Variants in ANKRD6 observed in about 807,000 individuals in gnomAD.
ANKRD6 encodes ankyrin repeat domain 6.
In ANKRD6, 56 loss-of-function variants were observed where a neutral mutation model predicts 82.3. The ratio of observed to expected loss-of-function variants is 0.68; its 90% CI spans 0.55 to 0.85. ANKRD6 has a LOEUF of 0.85. Ranked by LOEUF, ANKRD6 falls within the 40% of genes least tolerant of loss-of-function variation. The pLI, the probability that ANKRD6 is intolerant of heterozygous loss-of-function variation, is 0.00. For missense variants in ANKRD6, 852 were observed against 907.6 expected, an observed-to-expected ratio of 0.94 and a Z score of 0.79; for synonymous variants, 347 against 352.1, an observed-to-expected ratio of 0.99 and a Z score of 0.16.
At chr6:89,461,238 G>T (rs1384951950) in intron 1 of ANKRD6, among the ~76,000 whole-genome samples, 1 of 152,142 alleles carries the variant, frequency 6.6e-6, no homozygotes, top group African/African-American at 2.4e-5. Context: ...TCAAAGGAGA[G>T]TTTTGTTAAT....
intron 1 of ANKRD6, among the ~76,000 whole-genome samples, chr6:89,458,635 C>T (rs1321629612): frequency 1.3e-5 from 2 of 152,208 alleles, no homozygotes; most frequent in South Asian, 2.1e-4. Context: ...CAAGTCTGCC[C>T]TTCCATCTTC....
intron 1 of ANKRD6, among the ~76,000 whole-genome samples, chr6:89,453,117 A>C (rs1773054383): frequency 6.6e-6 from 1 of 152,118 alleles, no homozygotes; most frequent in Non-Finnish European, 1.5e-5. Context: ...TTTCCATCCC[A>C]ATTGTCATTC....
At chr6:89,494,622 A>G (rs1294006943) in intron 1 of ANKRD6, among the ~76,000 whole-genome samples, 1 of 152,162 alleles carries the variant, frequency 6.6e-6, no homozygotes, top group Non-Finnish European at 1.5e-5. Context: ...TCAACATTGC[A>G]TGCAGCTGCT....
rs1239700710 is a variant in ANKRD6, at chr6:89,617,850, C to T, written c.715-104C>T. On this transcript the variant is annotated intron_variant, in intron 8 of 15. Transcript: ENST00000339746. Reference sequence around the variant, plus strand: ...TTTGCCACGTAGGTGCTGGGTGTGACTGGGTGTGGAACTGCCTGCTCCTGG... The same window carrying T: ...TTTGCCACGTAGGTGCTGGGTGTGATTGGGTGTGGAACTGCCTGCTCCTGG... 2.8e-6 allele frequency: 3 copies of T among 1,071,510 alleles called. No individual in the cohort carries two copies. The African/African-American group carries it at 4.7e-5, about 17-fold the overall frequency. The allele number at this position is 1,071,510 out of a possible 1,614,324, so 66.4% of individuals were successfully genotyped here. A position where few individuals can be genotyped will look rare whatever the true frequency, so the allele number is the denominator to read the frequency against.
intron 9 of ANKRD6, chr6:89,618,440 A>AG: frequency 1.9e-6 from 1 of 528,414 alleles, no homozygotes; most frequent in Non-Finnish European, 3.4e-6. Flanking sequence ...GAAAGGCAGG[A>AG]GGGAGGGGAC....
intron 4 of ANKRD6, 148 bp downstream of exon 4, chr6:89,603,275 C>T (rs950176930): frequency 1.1e-5 from 7 of 616,286 alleles, no homozygotes; most frequent in African/African-American, 1.9e-5. Context: ...ATTAAATCAG[C>T]CTAAAATTCC....
intron 13 of ANKRD6, among the ~76,000 whole-genome samples, chr6:89,627,269 C>G (rs1806023368): frequency 6.6e-6 from 1 of 152,218 alleles, no homozygotes; most frequent in African/African-American, 2.4e-5. Flanking sequence ...GTTGGCCAGG[C>G]TGGTTTCAAA....
rs1806999296 is a variant in ANKRD6 at position 89,629,994 on chromosome 6, T to C, written c.1613-439T>C. Among the ~76,000 whole-genome samples, 4 of 152,174 alleles carry C rather than the reference T, an allele frequency of 2.6e-5. No individual in the cohort carries two copies. In the South Asian group the frequency reaches 8.3e-4, roughly 32 times the overall value. ...CCAAATTGGAGCTTGGGTCAAGCAG[T>C]TAGTACACTGGTAGGGAATAGGCCC... On this transcript the variant is annotated intron_variant, in intron 15 of 15. Transcript: ENST00000339746.
At chr6:89,589,438 G>A (rs530555207) in intron 2 of ANKRD6, among the ~76,000 whole-genome samples, 1 of 152,322 alleles carries the variant, frequency 6.6e-6, no homozygotes, top group African/African-American at 2.4e-5. Context: ...GCACCAGTCT[G>A]ACACCTGCTG....
At chr6:89,617,796 C>T (rs1801966786) in intron 8 of ANKRD6, among the ~76,000 whole-genome samples, 158 bp from the exon 9 acceptor site, 1 of 152,212 alleles carries the variant, frequency 6.6e-6, no homozygotes. Flanking sequence ...AGGCTGATGA[C>T]CAGGGCCATA....
intron 2 of ANKRD6, among the ~76,000 whole-genome samples, chr6:89,572,103 A>G (rs1938748741): frequency 1.3e-5 from 2 of 152,178 alleles, no homozygotes; most frequent in African/African-American, 4.8e-5. Flanking sequence ...ATGGCTTGAT[A>G]GTTCATTTCC....
chr6:89,577,063 C>T (rs1791278930), intron 2 of ANKRD6, among the ~76,000 whole-genome samples: 1 of 151,984 alleles, frequency 6.6e-6, no homozygotes, highest in South Asian at 2.1e-4. Flanking sequence ...CCTTCCTGGG[C>T]ATCTTTATGT....
chr6:89,632,825 A>G lies in ANKRD6; in HGVS notation c.*1821A>G, dbSNP rs1370504739. 8 of 152,184 alleles carry G rather than the reference A, an allele frequency of 5.3e-5. No homozygotes were observed. Among genetic ancestry groups the G allele is most frequent in the Admixed American group, 4.6e-4 (7 of 15,282 alleles). 9.4% of individuals were successfully genotyped at this position (152,184 alleles called of 1,614,324 possible). ...TTCTAAATCTATTCTCAAACAGGAT[A>G]TCACTAACCTCTTTAGAATCATTCC... On this transcript the variant is annotated 3_prime_UTR_variant, in exon 16 of 16. Coordinates refer to ENST00000339746, the MANE Select transcript of ANKRD6 (RefSeq NM_001242809.2).
intron 7 of ANKRD6, 163 bp from the exon 8 acceptor site, chr6:89,616,396 C>G (rs1469780354): frequency 8.1e-6 from 5 of 617,194 alleles, no homozygotes; most frequent in Non-Finnish European, 1.1e-5. Context: ...GTTCCAAGAC[C>G]TCTTTAAGTA....
At chr6:89,488,347 G>C (rs1191647780) in intron 1 of ANKRD6, among the ~76,000 whole-genome samples, 1 of 152,232 alleles carries the variant, frequency 6.6e-6, no homozygotes, top group Non-Finnish European at 1.5e-5. Context: ...CTACCTAGGA[G>C]GCTGAGGCAG....
intron 1 of ANKRD6, among the ~76,000 whole-genome samples, chr6:89,534,879 G>T (rs1783631952): frequency 6.6e-6 from 1 of 152,160 alleles, no homozygotes; most frequent in Non-Finnish European, 1.5e-5. Flanking sequence ...ATCTTAACCT[G>T]CCAGAAATGT....
intron 1 of ANKRD6, chr6:89,478,046 G>A (rs1776288501): frequency 6.6e-6 from 1 of 152,158 alleles, no homozygotes; most frequent in Non-Finnish European, 1.5e-5. Flanking sequence ...CTTATTTAGA[G>A]ATGGGATCTC....
At chr6:89,445,208 A>G (rs1202000181) in intron 1 of ANKRD6, among the ~76,000 whole-genome samples, 2 of 148,244 alleles carry the variant, frequency 1.3e-5, no homozygotes, top group African/African-American at 5.0e-5. Context: ...AATATTTCAC[A>G]CTTTTTCTTT....
rs1262853150 is a variant in ANKRD6, at chr6:89,543,346, CTAAGTA to C, written c.-143-23485_-143-23480del. ...AACCATTTTGAGGGTCTGCTAGTTT[CTAAGTA>C]TATTTACCTCATTTATATACTTGGG... On this transcript the variant is annotated intron_variant, in intron 1 of 15. Transcript: ENST00000339746. Among the ~76,000 whole-genome samples the C allele has an allele frequency of 3.9e-5, 6 of 152,172 alleles. No individual in the cohort carries two copies. In the East Asian group the frequency reaches 5.8e-4, roughly 15 times the overall value.
Sources: gnomAD v4.1 joint callset for allele counts (sites outside exome capture counted in the v4.1 genomes callset) on GRCh38, gnomAD v4.1.1 for gene constraint, MANE v1.5 for transcripts, NCBI Gene and HGNC (gene_info 2026-07-23, HGNC 2026-07-21) for gene names.